EYS: variants seen among roughly 807,000 people sequenced by gnomAD.
EYS encodes protein eyes shut homolog.
EYS carries 250 observed loss-of-function variants against 282.1 expected under a neutral mutation model. The observed-to-expected ratio is 0.89, with a 90% CI of 0.80 to 0.98. The LOEUF is 0.98. EYS is among the 50% of genes least tolerant of loss of function. The pLI, the probability that EYS is intolerant of heterozygous loss-of-function variation, is 0.00. For synonymous variants in EYS, 1,355 were observed against 1,282.9 expected (o/e 1.06, Z -1.20); for missense variants, 4,016 against 3,709.0 (o/e 1.08, Z -2.15).
intron 10 of EYS, among the ~76,000 whole-genome samples, chr6:65,341,083 G>A (rs1191913468): frequency 6.6e-6 from 1 of 151,154 alleles, no homozygotes; most frequent in Non-Finnish European, 1.5e-5. Flanking sequence ...TTTTTCAGGT[G>A]AGTCTATAAG....
intron 33 of EYS, among the ~76,000 whole-genome samples, chr6:64,018,778 T>G (rs1208627756): frequency 2.3e-5 from 3 of 131,704 alleles, no homozygotes; most frequent in South Asian, 2.7e-4. Context: ...TTTTTTTTTT[T>G]TTTTTTTTTT....
At chr6:64,131,970 C>A (rs1301919597) in intron 31 of EYS, among the ~76,000 whole-genome samples, 1 of 152,060 alleles carries the variant, frequency 6.6e-6, no homozygotes, top group African/African-American at 2.4e-5. Flanking sequence ...TAATTTTTTT[C>A]TTTACAATTT....
At chr6:64,966,753 C>A (rs909054766) in intron 14 of EYS, among the ~76,000 whole-genome samples, 1 of 152,192 alleles carries the variant, frequency 6.6e-6, no homozygotes, top group Non-Finnish European at 1.5e-5. Context: ...TAAGGATACT[C>A]CTGATTACAT....
chr6:65,187,790 A>AC lies in EYS; in HGVS notation c.2023+108072dup, dbSNP rs988173216. Among the ~76,000 whole-genome samples the AC allele has an allele frequency of 4.0e-4, 61 of 151,856 alleles. 1 individual carries two copies. The East Asian group carries it at 4.3e-3, about 11-fold the overall frequency. On this transcript the variant is annotated intron_variant, in intron 12 of 42. Transcript: ENST00000503581. ...GAGAAAAAGTTTGGTAATTATGGCT[A>AC]CCATTTACTCTGAAAACTTATTGGA...
intron 8 of EYS, among the ~76,000 whole-genome samples, chr6:65,380,786 C>A (rs1280049485): frequency 6.6e-6 from 1 of 151,566 alleles, no homozygotes; most frequent in Non-Finnish European, 1.5e-5. Context: ...AAAAAAACAA[C>A]CTCATCAAAA....
chr6:65,387,745 A>G (rs536130299), intron 7 of EYS, among the ~76,000 whole-genome samples: 1 of 151,984 alleles, frequency 6.6e-6, no homozygotes, highest in East Asian at 1.9e-4. Flanking sequence ...TACTCTCATC[A>G]CTTGTTTGTA....
intron 29 of EYS, among the ~76,000 whole-genome samples, chr6:64,359,977 G>T (rs1358781674): frequency 6.6e-6 from 1 of 151,584 alleles, no homozygotes; most frequent in Non-Finnish European, 1.5e-5. Context: ...TTGGAAAATT[G>T]TAACTCTCTG....
intron 5 of EYS, among the ~76,000 whole-genome samples, chr6:65,448,181 C>A (rs1016062480): frequency 4.6e-5 from 7 of 151,948 alleles, no homozygotes; most frequent in African/African-American, 1.7e-4. Flanking sequence ...CACAACTCAC[C>A]CATTTCTCCC....
intron 12 of EYS, among the ~76,000 whole-genome samples, chr6:65,208,857 GATGAAT>G (rs1766102121): frequency 6.6e-6 from 1 of 151,802 alleles, no homozygotes; most frequent in Admixed American, 6.6e-5. Context: ...AATATTGGAT[GATGAAT>G]ATACTAAAAG....
At position 63,792,754 on chromosome 6, in the gene EYS, G is replaced by T. The variant is rs569600484; in HGVS notation, c.7412-3530C>A. Among the ~76,000 whole-genome samples, 82 of 152,070 alleles carry T rather than the reference G, an allele frequency of 5.4e-4. No individual in the cohort carries two copies. The Middle Eastern group carries it at 0.01, about 19-fold the overall frequency. ...GATTGGTATTAGTAACTGTAAGAGG[G>T]CCAAGGCATGAAACTTGTGCAGTTG... On this transcript the variant is annotated intron_variant, in intron 37 of 42. Coordinates refer to ENST00000503581, the MANE Select transcript of EYS (RefSeq NM_001142800.2).
chr6:64,314,074 A>G (rs971266984), intron 29 of EYS, among the ~76,000 whole-genome samples: 1 of 152,034 alleles, frequency 6.6e-6, no homozygotes, highest in Non-Finnish European at 1.5e-5. Context: ...CAGACTGGCA[A>G]TTTGGACAAA....
intron 33 of EYS, among the ~76,000 whole-genome samples, chr6:64,037,957 G>A (rs1404996877): frequency 6.6e-6 from 1 of 152,128 alleles, no homozygotes; most frequent in Admixed American, 6.5e-5. Context: ...ACTGGGTAAA[G>A]TTTCAATTTA....
intron 35 of EYS, among the ~76,000 whole-genome samples, chr6:63,894,573 T>G (rs321511): frequency 0.82 from 124,125 of 151,296 alleles, 51,940 homozygotes; most frequent in Middle Eastern, 0.93. Context: ...TGTTGTTTTT[T>G]TTTGTTTGTT....
chr6:64,119,907 A>C (rs1773519355), intron 31 of EYS, among the ~76,000 whole-genome samples: 1 of 152,174 alleles, frequency 6.6e-6, no homozygotes, highest in Non-Finnish European at 1.5e-5. Flanking sequence ...TTCTTTTTCC[A>C]TGATTAACTT....
At chr6:63,898,147 A>C (rs1274828028) in intron 35 of EYS, among the ~76,000 whole-genome samples, 1 of 152,148 alleles carries the variant, frequency 6.6e-6, no homozygotes, top group African/African-American at 2.4e-5. Flanking sequence ...TTCTGTAGTG[A>C]TATTTGGGTT....
At chr6:64,463,856 AAATT>A (rs1775835398) in intron 26 of EYS, among the ~76,000 whole-genome samples, 1 of 152,182 alleles carries the variant, frequency 6.6e-6, no homozygotes, top group Non-Finnish European at 1.5e-5. Flanking sequence ...TTCTACCAAA[AAATT>A]AATGAACTTA....
intron 12 of EYS, among the ~76,000 whole-genome samples, chr6:65,114,977 G>C (rs1581922118): frequency 6.6e-6 from 1 of 151,660 alleles, no homozygotes; most frequent in Non-Finnish European, 1.5e-5. Flanking sequence ...TTTTACCCTT[G>C]CATGTTTTCA....
At chr6:65,646,756 A>T (rs904517786) in intron 1 of EYS, among the ~76,000 whole-genome samples, 6 of 152,176 alleles carry the variant, frequency 3.9e-5, no homozygotes, top group African/African-American at 1.4e-4. Context: ...ATATGATCGT[A>T]TACCTAGAAA....
chr6:65,393,000 T>G (rs965163585), intron 7 of EYS, among the ~76,000 whole-genome samples: 28 of 152,050 alleles, frequency 1.8e-4, no homozygotes, highest in Non-Finnish European at 3.5e-4. Context: ...CCATAAAAAA[T>G]GATGAGTTCA....
Sources: gnomAD v4.1 joint callset for allele counts (sites outside exome capture counted in the v4.1 genomes callset) on GRCh38, gnomAD v4.1.1 for gene constraint, MANE v1.5 for transcripts, NCBI Gene and HGNC (gene_info 2026-07-23, HGNC 2026-07-21) for gene names.